OAS2: variants seen among roughly 807,000 people sequenced by gnomAD.
OAS2 encodes 2'-5'-oligoadenylate synthase 2.
Under a neutral mutation model 71.3 loss-of-function variants are expected in OAS2, and 67 were observed. That is an observed-to-expected ratio of 0.94 (90% CI 0.77 to 1.15). The LOEUF (loss-of-function observed/expected upper bound fraction) is 1.15. OAS2 is among the 50% of genes most tolerant of loss of function. OAS2 has a pLI of 0.00. For missense variants in OAS2, 789 were observed against 822.5 expected, an observed-to-expected ratio of 0.96 and a Z score of 0.50; for synonymous variants, 327 against 321.8, an observed-to-expected ratio of 1.02 and a Z score of -0.17.
At chr12:112,998,188 C>A in intron 4 of OAS2, 78 bp from the exon 5 acceptor site, 1 of 1,520,944 alleles carries the variant, frequency 6.6e-7, no homozygotes, top group South Asian at 1.2e-5. Context: ...ATTCCCACTC[C>A]AGGCCTCTTT....
At chr12:112,997,410 C>A (rs1218026458) in intron 3 of OAS2, 110 bp from the exon 4 acceptor site, 4 of 840,276 alleles carry the variant, frequency 4.8e-6, no homozygotes. Flanking sequence ...TGTAGGCATT[C>A]TAGCAAAGGA....
intron 2 of OAS2, among the ~76,000 whole-genome samples, chr12:112,992,369 C>A (rs1321165115): frequency 2.3e-5 from 3 of 131,510 alleles, no homozygotes; most frequent in Admixed American, 1.8e-4. Flanking sequence ...CCAGCCTGGA[C>A]AACGGAGCAA....
intron 1 of OAS2, among the ~76,000 whole-genome samples, chr12:112,981,114 A>T (rs1461895528): frequency 6.6e-6 from 1 of 152,104 alleles, no homozygotes; most frequent in Non-Finnish European, 1.5e-5. Flanking sequence ...TATTCTGGAT[A>T]TTAAACCCTT....
chr12:112,984,368 C>A (rs2044112897), intron 1 of OAS2, among the ~76,000 whole-genome samples: 1 of 152,096 alleles, frequency 6.6e-6, no homozygotes, highest in African/African-American at 2.4e-5. Context: ...TCTACTCTGT[C>A]TGATATAAGT....
Position 113,010,443 on chromosome 12 carries a change from A to C in OAS2, c.*1188A>C. On this transcript the variant is annotated 3_prime_UTR_variant, in exon 10 of 10. Transcript: ENST00000392583. Reference sequence around the variant, plus strand: ...TGTCAATGAGATGTTCTCATCCAGAAGCCATAGAATCCTGAATAATAATTC... The same window carrying C: ...TGTCAATGAGATGTTCTCATCCAGACGCCATAGAATCCTGAATAATAATTC... The C allele has an allele frequency of 6.2e-7, 1 of 1,614,032 alleles. No individual in the cohort carries two copies. Among genetic ancestry groups the C allele is most frequent in the Non-Finnish European group, 8.5e-7 (1 of 1,179,950 alleles).
rs2044379649 is a variant in OAS2 at position 113,011,435 on chromosome 12, A to G, written c.*2180A>G. On this transcript the variant is annotated 3_prime_UTR_variant, in exon 10 of 10. Coordinates refer to ENST00000392583, the MANE Select transcript of OAS2 (RefSeq NM_002535.3). ...AATTTTCAGCCCCATCCCACCCCCA[A>G]TCTCCAAGGAGGTGATGGGGCTGGA... The G allele has an allele frequency of 6.6e-6, 1 of 152,058 alleles. No homozygotes were observed. The allele number at this position is 152,058 out of a possible 1,614,324, so 9.4% of individuals were successfully genotyped here. A position where few individuals can be genotyped will look rare whatever the true frequency, so the allele number is the denominator to read the frequency against.
At position 113,010,347 on chromosome 12, in the gene OAS2, C is replaced by T; in HGVS notation, c.*1092C>T. The stretch of plus-strand genomic sequence containing the variant: ...TGATTGTAACTATTAGGAGACATTG[C>T]TCTCCCACGTATGTTTTTCTTTTTA... On this transcript the variant is annotated 3_prime_UTR_variant, in exon 10 of 10. Transcript: ENST00000392583. 1.2e-6 allele frequency: 2 copies of T among 1,604,348 alleles called. No individual in the cohort carries two copies. The highest frequency in any genetic ancestry group is 1.7e-4 in the Middle Eastern group (1 of 5,970).
chr12:112,987,451 C>T, intron 2 of OAS2, 143 bp downstream of exon 2: 1 of 1,456,318 alleles, frequency 6.9e-7, no homozygotes, highest in Non-Finnish European at 9.1e-7. Flanking sequence ...GAGAAGAATC[C>T]CTTCTACCCT....
chr12:113,003,060 A>G lies in OAS2; in HGVS notation c.1137A>G (p.Glu379=), dbSNP rs2044303452. 2 of 1,614,154 alleles carry G rather than the reference A, an allele frequency of 1.2e-6. No homozygotes were observed. The highest frequency in any genetic ancestry group is 1.7e-6 in the Non-Finnish European group (2 of 1,180,020). The change falls in exon 6 of 10, where the codon GAA becomes GAG. Residue 379 remains glutamate (E), a synonymous_variant. Transcript: ENST00000392583. Reference sequence around the variant, plus strand: ...ACATCATCCGTACATTCCTTAAAGAAAACTGCTTCCGACAATCAACAGCCA... The same window carrying G: ...ACATCATCCGTACATTCCTTAAAGAGAACTGCTTCCGACAATCAACAGCCA... ...AVNIIRTFLK[E]NCFRQSTAKI...
chr12:112,995,607 A>G, intron 3 of OAS2, 133 bp downstream of exon 3: 1 of 830,430 alleles, frequency 1.2e-6, no homozygotes, highest in South Asian at 1.8e-5. Flanking sequence ...CAACACCCAA[A>G]TCAACATAGG....
In OAS2 at chr12:112,987,312, A is replaced by C; in HGVS notation, c.448+4A>C. ...CTGGCCGCCTTCAACGCTCTGAGTA[A>C]GCATTGCTGGGTGTCAGGAGAGAAA... On this transcript the variant is annotated splice_donor_region_variant and intron_variant, in intron 2 of 9. Transcript: ENST00000392583. 5 of 1,614,154 alleles carry C rather than the reference A, an allele frequency of 3.1e-6. No individual in the cohort carries two copies. Among genetic ancestry groups the C allele is most frequent in the Non-Finnish European group, 8.5e-7 (1 of 1,180,002 alleles).
At chr12:112,992,335 G>A (rs541462581) in intron 2 of OAS2, among the ~76,000 whole-genome samples, 6 of 149,784 alleles carry the variant, frequency 4.0e-5, no homozygotes, top group Non-Finnish European at 7.4e-5. Flanking sequence ...AGGTTGCAGT[G>A]AGCTATTATT....
chr12:113,010,163 C>A lies in OAS2; in HGVS notation c.*908C>A, dbSNP rs1001435856. 2.3e-6 allele frequency: 3 copies of A among 1,311,550 alleles called. No homozygotes were observed. The African/African-American group carries it at 4.5e-5, about 20-fold the overall frequency. The allele number at this position is 1,311,550 out of a possible 1,614,324, so 81.2% of individuals were successfully genotyped here. Reference sequence around the variant, plus strand: ...GCACTAGAGGAACCCTACACCCCAACCCTGGGGGGAATGTAGGGAAGAGGT... The same window carrying A: ...GCACTAGAGGAACCCTACACCCCAAACCTGGGGGGAATGTAGGGAAGAGGT... On this transcript the variant is annotated 3_prime_UTR_variant, in exon 10 of 10. Transcript: ENST00000392583.
At chr12:113,001,459 CATATATA>C in intron 5 of OAS2, among the ~76,000 whole-genome samples, 1 of 147,940 alleles carries the variant, frequency 6.8e-6, no homozygotes. Context: ...CATATATACA[CATATATA>C]CATATATACA....
intron 1 of OAS2, among the ~76,000 whole-genome samples, chr12:112,979,156 G>C (rs145683829): frequency 0.011 from 1,715 of 152,294 alleles, 16 homozygotes; most frequent in Non-Finnish European, 0.019. Context: ...AGTAAACTTA[G>C]GGAGGCTAGA....
rs1458982995 is a variant in OAS2 at position 113,011,174 on chromosome 12, C to T, written c.*1919C>T. 2 of 152,238 alleles carry T rather than the reference C, an allele frequency of 1.3e-5. No individual in the cohort carries two copies. The highest frequency in any genetic ancestry group is 2.9e-5 in the Non-Finnish European group (2 of 68,056). The allele number at this position is 152,238 out of a possible 1,614,324, so 9.4% of individuals were successfully genotyped here. ...CATACCCTCACTTAAACTTTTATCA[C>T]TGTTGCATATACCAGTTGTGATACA... On this transcript the variant is annotated 3_prime_UTR_variant, in exon 10 of 10. Transcript: ENST00000392583.
intron 4 of OAS2, 31 bp from the exon 5 acceptor site, chr12:112,998,235 C>T: frequency 6.2e-7 from 1 of 1,602,352 alleles, no homozygotes; most frequent in Non-Finnish European, 8.5e-7. Flanking sequence ...AGCAGCTCAA[C>T]TGACTTTTTT....
chr12:112,995,305 A>G lies in OAS2; in HGVS notation c.458A>G (p.Asp153Gly), dbSNP rs1411725687. The G allele has an allele frequency of 6.2e-7, 1 of 1,604,948 alleles. No individual in the cohort carries two copies. The highest frequency in any genetic ancestry group is 1.7e-5 in the Admixed American group (1 of 57,380). Residue 153 changes from aspartate (D) to glycine (G), a missense_variant, in exon 3 of 10, where the codon GAT becomes GGT. Transcript: ENST00000392583. Reference protein sequence around the residue: ...LAAFNALSLNDNPSPWIYREL... With the variant: ...LAAFNALSLNGNPSPWIYREL... ...TTCTGTTTCACATCAGGCTTAAATG[A>G]TAATCCCAGCCCCTGGATCTATCGA...
intron 9 of OAS2, among the ~76,000 whole-genome samples, chr12:113,008,672 C>G (rs1370019190): frequency 2.0e-5 from 3 of 152,198 alleles, no homozygotes; most frequent in Non-Finnish European, 4.4e-5. Flanking sequence ...GTCACCCAGG[C>G]TGGAGTGCAG....
Sources: gnomAD v4.1 joint callset for allele counts (sites outside exome capture counted in the v4.1 genomes callset) on GRCh38, gnomAD v4.1.1 for gene constraint, MANE v1.5 for transcripts, NCBI Gene and HGNC (gene_info 2026-07-23, HGNC 2026-07-21) for gene names.